ZC3H12B: variants seen among roughly 807,000 people sequenced by gnomAD.
ZC3H12B encodes probable ribonuclease ZC3H12B.
Under a neutral mutation model 43.9 loss-of-function variants are expected in ZC3H12B, and 7 were observed. The observed-to-expected ratio is 0.16, with a 90% confidence interval of 0.09 to 0.30. ZC3H12B has a LOEUF of 0.30. Ranked by LOEUF, ZC3H12B falls within the 10% of genes least tolerant of loss-of-function variation. The pLI, the probability that ZC3H12B is intolerant of heterozygous loss-of-function variation, is 1.00. For synonymous variants in ZC3H12B, 222 were observed against 241.7 expected (o/e 0.92, Z 0.76); for missense variants, 475 against 670.2 (o/e 0.71, Z 3.22).
At chrX:65,381,598 A>C (rs1235821191) in intron 2 of ZC3H12B, among the ~76,000 whole-genome samples, 1 of 111,863 alleles carries the variant, frequency 8.9e-6, no homozygotes, top group African/African-American at 3.2e-5. Context: ...AGAAATAACT[A>C]AAATCAGAGC....
chrX:65,108,058 A>G, the ZC3H12B span, among the ~76,000 whole-genome samples: 4 of 111,329 alleles, frequency 3.6e-5, no homozygotes, highest in African/African-American at 9.8e-5. Context: ...AAGATTAAAA[A>G]TGGTACACCT....
the ZC3H12B span, among the ~76,000 whole-genome samples, chrX:65,294,339 G>A: frequency 9.0e-6 from 1 of 111,713 alleles, no homozygotes; most frequent in South Asian, 3.7e-4. Flanking sequence ...AGCACTACAA[G>A]AAGTGATAAA....
At chrX:65,169,018 T>A in the ZC3H12B span, among the ~76,000 whole-genome samples, 1 of 111,748 alleles carries the variant, frequency 8.9e-6, no homozygotes, top group East Asian at 2.8e-4. Flanking sequence ...AAGGGTTTTT[T>A]GTGTCTCTGT....
intron 3 of ZC3H12B, among the ~76,000 whole-genome samples, chrX:65,464,159 A>C (rs1346617362): frequency 8.9e-6 from 1 of 112,335 alleles, no homozygotes. Context: ...TGTTAACCTG[A>C]GAGAGGGCCT....
chrX:65,149,467 A>T, the ZC3H12B span, among the ~76,000 whole-genome samples: 2 of 111,640 alleles, frequency 1.8e-5, no homozygotes, highest in Non-Finnish European at 3.8e-5. Flanking sequence ...AAGCACTTTT[A>T]AAAGTAAAGT....
chrX:65,196,128 A>ACCCC, the ZC3H12B span, among the ~76,000 whole-genome samples: 1 of 49,870 alleles, frequency 2.0e-5, no homozygotes, highest in African/African-American at 7.6e-5. Context: ...CCTTCCCCCC[A>ACCCC]CCCCCCGCAG....
chrX:65,379,981 T>C (rs1312749379), intron 2 of ZC3H12B, among the ~76,000 whole-genome samples: 3 of 112,199 alleles, frequency 2.7e-5, no homozygotes, highest in Non-Finnish European at 3.8e-5. Flanking sequence ...CTACGTCTGA[T>C]TGGTGTACCT....
At chrX:65,469,344 C>T in intron 3 of ZC3H12B, 2 of 390,339 alleles carry the variant, frequency 5.1e-6, no homozygotes, top group East Asian at 9.3e-5. Context: ...GTCTGCCAAC[C>T]TGCTGGTCAA....
chrX:65,416,783 C>A (rs1463499896), intron 3 of ZC3H12B, among the ~76,000 whole-genome samples: 4 of 104,714 alleles, frequency 3.8e-5, no homozygotes, highest in Non-Finnish European at 5.8e-5. Flanking sequence ...AGCGAGACTC[C>A]GTCAAAAAAA....
chrX:65,266,200 A>T, the ZC3H12B span, among the ~76,000 whole-genome samples: 1 of 112,436 alleles, frequency 8.9e-6, no homozygotes, highest in Admixed American at 9.4e-5. Flanking sequence ...ACTACCAGGG[A>T]CTGTAATCTA....
the ZC3H12B span, among the ~76,000 whole-genome samples, chrX:65,291,212 CA>C: frequency 9.0e-6 from 1 of 111,336 alleles, no homozygotes; most frequent in African/African-American, 3.2e-5. Flanking sequence ...TAAAATTGTG[CA>C]ACCACTATGT....
At chrX:65,228,352 C>A in the ZC3H12B span, among the ~76,000 whole-genome samples, 1 of 111,671 alleles carries the variant, frequency 9.0e-6, no homozygotes, top group Non-Finnish European at 1.9e-5. Flanking sequence ...ACTAAAAACT[C>A]TCAATAAATT....
chrX:65,077,906 A>AT, the ZC3H12B span, among the ~76,000 whole-genome samples: 2 of 111,121 alleles, frequency 1.8e-5, no homozygotes, highest in African/African-American at 6.6e-5. Flanking sequence ...GAGTCCTTTT[A>AT]TTTTTTCTGT....
chrX:65,387,172 C>A (rs1344266584), intron 2 of ZC3H12B, among the ~76,000 whole-genome samples: 1 of 111,618 alleles, frequency 9.0e-6, no homozygotes, highest in Non-Finnish European at 1.9e-5. Flanking sequence ...CCGCTTGGTG[C>A]AGAGCTGAGT....
chrX:65,120,163 G>GT, the ZC3H12B span, among the ~76,000 whole-genome samples: 3 of 111,927 alleles, frequency 2.7e-5, no homozygotes, highest in East Asian at 2.8e-4. Context: ...CTTTAAATTA[G>GT]TTTTTTCCAA....
intron 3 of ZC3H12B, among the ~76,000 whole-genome samples, chrX:65,400,994 C>T (rs1371046745): frequency 1.8e-5 from 2 of 109,602 alleles, no homozygotes; most frequent in Non-Finnish European, 3.8e-5. Flanking sequence ...TTACAAAAGG[C>T]ATTTTCAGAG....
At chrX:65,367,049 C>G (rs2066183112) in intron 1 of ZC3H12B, among the ~76,000 whole-genome samples, 1 of 112,172 alleles carries the variant, frequency 8.9e-6, no homozygotes, top group Non-Finnish European at 1.9e-5. Context: ...AACACTCACC[C>G]TGTCCTCGTG....
chrX:65,443,700 G>T (rs922025195), intron 3 of ZC3H12B, among the ~76,000 whole-genome samples: 15 of 112,377 alleles, frequency 1.3e-4, no homozygotes, highest in African/African-American at 4.8e-4. Context: ...GGGCGGGCCA[G>T]GTGTTCCTTG....
At chrX:65,152,553 A>T in the ZC3H12B span, among the ~76,000 whole-genome samples, 3 of 111,230 alleles carry the variant, frequency 2.7e-5, no homozygotes, top group Non-Finnish European at 5.7e-5. Context: ...CTTCAAGGAG[A>T]ACTACAAACC....
Sources: allele counts gnomAD v4.1 joint callset (sites outside exome capture counted in the v4.1 genomes callset), GRCh38; gene constraint gnomAD v4.1.1; transcripts MANE v1.5; gene names NCBI Gene and HGNC (gene_info 2026-07-23, HGNC 2026-07-21).